The following HS3ST3A1 variants were observed in gnomAD, a reference collection of about 807,000 sequenced individuals.
The protein encoded by HS3ST3A1 is heparan sulfate-glucosamine 3-sulfotransferase 3A1, also known as heparan sulfate glucosamine 3-O-sulfotransferase 3A1.
HS3ST3A1 carries 19 observed loss-of-function variants against 25.7 expected under a neutral mutation model. The observed-to-expected ratio is 0.74, with a 90% CI of 0.52 to 1.08. HS3ST3A1 has a LOEUF of 1.08. Among genes scored for constraint, HS3ST3A1 ranks in the 50% least tolerant of loss-of-function variants. The pLI is 0.00. For missense variants in HS3ST3A1, 459 were observed against 594.3 expected (o/e 0.77, Z 2.37); for synonymous variants, 226 against 278.6 (o/e 0.81, Z 1.88).
chr17:13,593,312 T>C (rs62053920), intron 1 of HS3ST3A1, among the ~76,000 whole-genome samples: 21,241 of 151,258 alleles, frequency 0.14, 1,596 homozygotes, highest in African/African-American at 0.17. Context: ...GCTCTTTGTG[T>C]CCTCAGAGAC....
chr17:13,601,084 G>A lies in HS3ST3A1; in HGVS notation c.46C>T (p.Pro16Ser). The A allele has an allele frequency of 7.5e-6, 12 of 1,593,864 alleles. No individual in the cohort carries two copies. The highest frequency in any genetic ancestry group is 2.3e-5 in the East Asian group (1 of 43,056). ...TTCCGGAAGATGCTGCGGGACAGCG[G>A]CTCGGCCGAGGTGGAGAGGGCACTG... ...PASALSTSAEPLSRSIFRKFL... is the reference protein window; with the variant it reads ...PASALSTSAESLSRSIFRKFL... The change falls in exon 1 of 2, where the codon CCG (proline) becomes TCG (serine). Residue 16 changes from proline (P) to serine (S), a missense_variant. By Grantham distance (74) the Pro-to-Ser change is moderately conservative. Coordinates refer to ENST00000284110, the MANE Select transcript of HS3ST3A1 (RefSeq NM_006042.3).
At chr17:13,578,168 A>T (rs954947827) in intron 1 of HS3ST3A1, among the ~76,000 whole-genome samples, 5 of 152,126 alleles carry the variant, frequency 3.3e-5, no homozygotes, top group Non-Finnish European at 7.3e-5. Context: ...ACATTGAACA[A>T]TAAGGATTGC....
intron 1 of HS3ST3A1, among the ~76,000 whole-genome samples, chr17:13,574,769 AC>A (rs894671812): frequency 3.3e-4 from 15 of 45,324 alleles, no homozygotes; most frequent in Admixed American, 1.8e-3. Context: ...CAAAAAACAC[AC>A]AAAAAAAATG....
At chr17:13,528,986 C>A (rs1455453481) in intron 1 of HS3ST3A1, among the ~76,000 whole-genome samples, 1 of 152,040 alleles carries the variant, frequency 6.6e-6, no homozygotes, top group Non-Finnish European at 1.5e-5. Context: ...CCAACATAAA[C>A]AGCTGTCACA....
chr17:13,567,274 C>T (rs987424571), intron 1 of HS3ST3A1, among the ~76,000 whole-genome samples: 1 of 152,150 alleles, frequency 6.6e-6, no homozygotes, highest in Non-Finnish European at 1.5e-5. Flanking sequence ...ACTGTTGAGA[C>T]CTACTGCTCA....
At chr17:13,521,520 C>A (rs937764327) in intron 1 of HS3ST3A1, among the ~76,000 whole-genome samples, 2 of 152,196 alleles carry the variant, frequency 1.3e-5, no homozygotes, top group Non-Finnish European at 2.9e-5. Context: ...CCCAACACAG[C>A]TAATCTCCCC....
chr17:13,511,579 C>T (rs978356933), intron 1 of HS3ST3A1, among the ~76,000 whole-genome samples: 3 of 151,608 alleles, frequency 2.0e-5, no homozygotes, highest in Non-Finnish European at 4.4e-5. Flanking sequence ...GAGGTAATCA[C>T]AACATTCGCA....
intron 1 of HS3ST3A1, among the ~76,000 whole-genome samples, chr17:13,552,381 G>A (rs560479381): frequency 3.4e-4 from 51 of 152,224 alleles, no homozygotes; most frequent in South Asian, 2.1e-4. Context: ...GCACCTGGCC[G>A]GTTCTTGAAC....
chr17:13,568,667 C>T (rs1907732156), intron 1 of HS3ST3A1, among the ~76,000 whole-genome samples: 1 of 152,316 alleles, frequency 6.6e-6, no homozygotes, highest in South Asian at 2.1e-4. Flanking sequence ...TCTACTGCCT[C>T]TTCCACACGG....
chr17:13,595,174 G>C (rs1462586725), intron 1 of HS3ST3A1, among the ~76,000 whole-genome samples: 2 of 152,202 alleles, frequency 1.3e-5, no homozygotes, highest in Non-Finnish European at 2.9e-5. Flanking sequence ...TAGGATAAAT[G>C]TAAGTTTTTA....
At chr17:13,600,508 C>T (rs1908690446) in intron 1 of HS3ST3A1, 23 bp downstream of exon 1, 2 of 1,568,440 alleles carry the variant, frequency 1.3e-6, no homozygotes, top group South Asian at 2.3e-5. Flanking sequence ...CCTTCAGCCC[C>T]AGCCCGGGCC....
At position 13,523,676 on chromosome 17, in the gene HS3ST3A1, C is replaced by G. The variant is rs529444810; in HGVS notation, c.600-26858G>C. Among the ~76,000 whole-genome samples the G allele has an allele frequency of 2.0e-5, 3 of 152,206 alleles. No homozygotes were observed. In the East Asian group the frequency reaches 5.8e-4, roughly 29 times the overall value. ...GGAAAAATCTCCAATAGTTTTCTCT[C>G]GGTAAGTTTTTGCCTGTTTTCAATT... On this transcript the variant is annotated intron_variant, in intron 1 of 1. Coordinates refer to ENST00000284110, the MANE Select transcript of HS3ST3A1 (RefSeq NM_006042.3).
chr17:13,556,726 C>T (rs1907386977), intron 1 of HS3ST3A1, among the ~76,000 whole-genome samples: 1 of 151,438 alleles, frequency 6.6e-6, no homozygotes, highest in South Asian at 2.1e-4. Context: ...GTGACAGGCA[C>T]CTGTAGCCTC....
At chr17:13,554,714 T>G (rs1938563260) in intron 1 of HS3ST3A1, among the ~76,000 whole-genome samples, 1 of 152,176 alleles carries the variant, frequency 6.6e-6, no homozygotes, top group African/African-American at 2.4e-5. Context: ...GGTTTTGTCT[T>G]TCAAGCACGA....
intron 1 of HS3ST3A1, among the ~76,000 whole-genome samples, chr17:13,545,867 C>A (rs1409083988): frequency 2.6e-5 from 4 of 152,112 alleles, no homozygotes; most frequent in African/African-American, 4.8e-5. Flanking sequence ...GTCCCAGCTA[C>A]TCAGGAGGCT....
At chr17:13,581,536 T>C (rs564249837) in intron 1 of HS3ST3A1, among the ~76,000 whole-genome samples, 23 of 152,002 alleles carry the variant, frequency 1.5e-4, no homozygotes, top group South Asian at 1.0e-3. Flanking sequence ...AAATAATATT[T>C]CTAAAGTTGT....
rs78372491 is a variant in HS3ST3A1 at position 13,600,562 on chromosome 17, G to C, written c.568C>G (p.Arg190Gly). The C allele has an allele frequency of 1.9e-6, 3 of 1,601,954 alleles. No individual in the cohort carries two copies. The East Asian group carries it at 6.7e-5, about 36-fold the overall frequency. ...CAGGCGAGGCCCTTGTCGTAGCTGC[G>C]GTCGAAGAAGTGGGGCTCGGCGCCC... ...AVGAEPHFFD[R>G]SYDKGLAWYR... is the part of the protein sequence containing the mutation. The change falls in exon 1 of 2, where the codon CGC (arginine) becomes GGC (glycine). Residue 190 changes from arginine to glycine, a missense_variant. Coordinates refer to ENST00000284110, the MANE Select transcript of HS3ST3A1 (RefSeq NM_006042.3).
At chr17:13,511,901 C>A (rs943278578) in intron 1 of HS3ST3A1, among the ~76,000 whole-genome samples, 14 of 152,046 alleles carry the variant, frequency 9.2e-5, no homozygotes. Context: ...ATAAAGACAA[C>A]TTTTAAATAC....
intron 1 of HS3ST3A1, among the ~76,000 whole-genome samples, chr17:13,571,990 C>G (rs1907828439): frequency 6.6e-6 from 1 of 152,138 alleles, no homozygotes; most frequent in Non-Finnish European, 1.5e-5. Flanking sequence ...AACTCCTGAC[C>G]TCATGTGATC....
Sources: allele counts gnomAD v4.1 joint callset (sites outside exome capture counted in the v4.1 genomes callset), GRCh38; gene constraint gnomAD v4.1.1; transcripts MANE v1.5; gene names NCBI Gene and HGNC (gene_info 2026-07-23, HGNC 2026-07-21).